Variants in CCSER1 observed in about 807,000 individuals in gnomAD.
The protein encoded by CCSER1 is serine-rich coiled-coil domain-containing protein 1.
In CCSER1, 41 loss-of-function variants were observed where a neutral mutation model predicts 82.0. The ratio of observed to expected loss-of-function variants is 0.50; its 90% CI spans 0.39 to 0.65. The LOEUF (loss-of-function observed/expected upper bound fraction) is 0.65, where lower values mean the gene tolerates loss of function less well. Among genes scored for constraint, CCSER1 ranks in the 30% least tolerant of loss-of-function variants. The probability of loss-of-function intolerance (pLI) is 0.00; values close to 1 mark genes in which losing one functional copy is unlikely to be tolerated. For synonymous variants in CCSER1, 414 were observed against 383.9 expected, an observed-to-expected ratio of 1.08 and a Z score of -0.92; for missense variants, 1,119 against 1,064.2, an observed-to-expected ratio of 1.05 and a Z score of -0.72.
At chr4:90,654,804 A>G (rs1016313305) in intron 6 of CCSER1, among the ~76,000 whole-genome samples, 2 of 152,074 alleles carry the variant, frequency 1.3e-5, no homozygotes, top group African/African-American at 4.8e-5. Flanking sequence ...AATGAGTGTG[A>G]TGTTTTTGCC....
Position 90,278,054 on chromosome 4 carries a change from A to G in CCSER1, c.-41-30190A>G, listed in dbSNP as rs374308547. Among the ~76,000 whole-genome samples, 9 of 152,226 alleles carry G rather than the reference A, an allele frequency of 5.9e-5. No homozygotes were observed. In the South Asian group the frequency reaches 1.9e-3, roughly 32 times the overall value. On this transcript the variant is annotated intron_variant, in intron 1 of 10. Transcript: ENST00000509176. ...GACACTTCTCAAGAGAAGACTTACAATGGACCCACAAGCTTATGAAAAAAT... is the reference window on the plus strand; with the variant it reads ...GACACTTCTCAAGAGAAGACTTACAGTGGACCCACAAGCTTATGAAAAAAT...
intron 5 of CCSER1, among the ~76,000 whole-genome samples, chr4:90,627,031 T>TTAA (rs1239373232): frequency 5.9e-5 from 9 of 152,096 alleles, no homozygotes; most frequent in Admixed American, 5.9e-4. Flanking sequence ...ACACATGGAG[T>TTAA]GGTTAGCACA....
chr4:91,124,716 C>T (rs953255040), intron 10 of CCSER1, among the ~76,000 whole-genome samples: 1 of 151,658 alleles, frequency 6.6e-6, no homozygotes, highest in African/African-American at 2.4e-5. Flanking sequence ...ACAATGTTTG[C>T]TATAGAAGCA....
intron 1 of CCSER1, among the ~76,000 whole-genome samples, chr4:90,230,877 A>T (rs1196972110): frequency 6.6e-6 from 1 of 152,254 alleles, no homozygotes; most frequent in Admixed American, 6.5e-5. Context: ...TCTAGAAGAA[A>T]TGGATAAATT....
intron 9 of CCSER1, among the ~76,000 whole-genome samples, chr4:91,044,337 A>G (rs1332876232): frequency 6.6e-6 from 1 of 152,232 alleles, no homozygotes; most frequent in Non-Finnish European, 1.5e-5. Flanking sequence ...TTTGAATAGC[A>G]TAGTAGTCAT....
At chr4:90,369,263 GAAGA>G (rs1353389258) in intron 3 of CCSER1, among the ~76,000 whole-genome samples, 1 of 121,228 alleles carries the variant, frequency 8.2e-6, no homozygotes, top group Admixed American at 8.3e-5. Flanking sequence ...GGATGAGGAG[GAAGA>G]AAGAAGAAGA....
intron 9 of CCSER1, among the ~76,000 whole-genome samples, chr4:90,978,716 G>C (rs192865843): frequency 2.6e-4 from 39 of 151,766 alleles, no homozygotes; most frequent in African/African-American, 9.2e-4. Flanking sequence ...GCTTCAGTTA[G>C]GTTAGATGAT....
intron 10 of CCSER1, among the ~76,000 whole-genome samples, chr4:91,286,137 T>G (rs1743257687): frequency 6.6e-6 from 1 of 151,740 alleles, no homozygotes; most frequent in African/African-American, 2.4e-5. Context: ...TCCTTAACAA[T>G]AATTTGAAAT....
At chr4:90,581,200 C>A (rs1405496833) in intron 5 of CCSER1, among the ~76,000 whole-genome samples, 1 of 151,852 alleles carries the variant, frequency 6.6e-6, no homozygotes, top group African/African-American at 2.4e-5. Context: ...CTCAAAATTA[C>A]CCCATTAGCA....
chr4:91,091,098 G>C (rs761160386), intron 10 of CCSER1, among the ~76,000 whole-genome samples: 2 of 151,952 alleles, frequency 1.3e-5, no homozygotes, highest in African/African-American at 4.8e-5. Context: ...ACTTATTTTC[G>C]GTCATGTATC....
At chr4:90,402,329 A>AT (rs1752992475) in intron 4 of CCSER1, among the ~76,000 whole-genome samples, 1 of 152,214 alleles carries the variant, frequency 6.6e-6, no homozygotes, top group Non-Finnish European at 1.5e-5. Flanking sequence ...TAATCAGAGA[A>AT]ATTAGAGGAT....
chr4:90,208,798 C>T (rs932271162), intron 1 of CCSER1, among the ~76,000 whole-genome samples: 8 of 151,988 alleles, frequency 5.3e-5, no homozygotes, highest in African/African-American at 1.9e-4. Context: ...GAGGTGATGC[C>T]CTATCTTGCT....
intron 10 of CCSER1, among the ~76,000 whole-genome samples, chr4:91,242,256 T>C (rs1739433022): frequency 6.6e-6 from 1 of 152,038 alleles, no homozygotes; most frequent in Non-Finnish European, 1.5e-5. Flanking sequence ...AAGGGAGTAA[T>C]GAACAAGGCA....
intron 5 of CCSER1, among the ~76,000 whole-genome samples, chr4:90,619,372 T>A (rs959478300): frequency 6.6e-6 from 1 of 151,984 alleles, no homozygotes; most frequent in Non-Finnish European, 1.5e-5. Context: ...AAAATAAAAG[T>A]GTTCCAACAC....
At chr4:90,640,373 G>C (rs1726264691) in intron 6 of CCSER1, among the ~76,000 whole-genome samples, 1 of 151,998 alleles carries the variant, frequency 6.6e-6, no homozygotes, top group Non-Finnish European at 1.5e-5. Context: ...ACATGTCTTA[G>C]TTTTGGAAGG....
intron 10 of CCSER1, among the ~76,000 whole-genome samples, chr4:91,415,128 C>T (rs1753277539): frequency 1.3e-5 from 2 of 152,114 alleles, no homozygotes; most frequent in Non-Finnish European, 2.9e-5. Context: ...CATCAGAATA[C>T]ACATTCATCT....
In CCSER1 at chr4:90,895,141, A is replaced by G. The variant is rs559159192; in HGVS notation, c.2095-28229A>G. ...ATTAAATTGCTCATAAATTTATTAT[A>G]TAAGATTGTTATTCTTTAAAATATC... On this transcript the variant is annotated intron_variant, in intron 8 of 10. Coordinates refer to ENST00000509176, the MANE Select transcript of CCSER1 (RefSeq NM_001145065.2). Among the ~76,000 whole-genome samples, 184 of 152,090 alleles carry G rather than the reference A, an allele frequency of 1.2e-3. 1 individual carries two copies. The highest frequency in any genetic ancestry group is 6.8e-3 in the Middle Eastern group (2 of 294).
chr4:91,122,619 A>G (rs1727186567), intron 10 of CCSER1, among the ~76,000 whole-genome samples: 1 of 151,832 alleles, frequency 6.6e-6, no homozygotes, highest in Admixed American at 6.6e-5. Flanking sequence ...CCAACTCATC[A>G]CTATAAATAT....
At chr4:90,950,505 TACACACACACGTGCACGCGTGC>T (rs1324011942) in intron 9 of CCSER1, among the ~76,000 whole-genome samples, 2 of 151,380 alleles carry the variant, frequency 1.3e-5, no homozygotes, top group Non-Finnish European at 3.0e-5. Flanking sequence ...AACATACACA[TACACACACACGTGCACGCGTGC>T]ACACACACAC....
Sources: allele counts gnomAD v4.1 joint callset (sites outside exome capture counted in the v4.1 genomes callset), GRCh38; gene constraint gnomAD v4.1.1; transcripts MANE v1.5; gene names NCBI Gene and HGNC (gene_info 2026-07-23, HGNC 2026-07-21).